BAIAP2L1: variants seen among roughly 807,000 people sequenced by gnomAD.
BAIAP2L1 encodes the protein BAR/IMD domain containing adaptor protein 2 like 1, also known as BAR/IMD domain-containing adapter protein 2-like 1.
Under a neutral mutation model 66.3 loss-of-function variants are expected in BAIAP2L1, and 35 were observed. The ratio of observed to expected loss-of-function variants is 0.53; its 90% CI spans 0.40 to 0.70. BAIAP2L1 has a LOEUF of 0.70. BAIAP2L1 is among the 30% of genes least tolerant of loss of function. The probability of loss-of-function intolerance (pLI) is 0.00; values close to 1 mark genes in which losing one functional copy is unlikely to be tolerated. For synonymous variants in BAIAP2L1, 269 were observed against 248.7 expected (o/e 1.08, Z -0.77); for missense variants, 622 against 656.9 (o/e 0.95, Z 0.58).
intron 3 of BAIAP2L1, among the ~76,000 whole-genome samples, chr7:98,353,613 T>C (rs550935490): frequency 1.2e-4 from 16 of 138,874 alleles, no homozygotes; most frequent in African/African-American, 4.0e-4. Flanking sequence ...TATATGTATA[T>C]TTATAATATA....
intron 1 of BAIAP2L1, among the ~76,000 whole-genome samples, chr7:98,365,095 T>A (rs867868174): frequency 6.6e-6 from 1 of 150,556 alleles, no homozygotes; most frequent in Admixed American, 6.7e-5. Context: ...GACTTTTTTT[T>A]AAAGCTTATT....
At chr7:98,338,526 GCTTT>G (rs1245655519) in intron 3 of BAIAP2L1, among the ~76,000 whole-genome samples, 1 of 151,842 alleles carries the variant, frequency 6.6e-6, no homozygotes, top group Non-Finnish European at 1.5e-5. Flanking sequence ...CTCAAAATCT[GCTTT>G]CTATGTGGAT....
chr7:98,382,176 C>A (rs950757956), intron 1 of BAIAP2L1, among the ~76,000 whole-genome samples: 3 of 152,050 alleles, frequency 2.0e-5, no homozygotes, highest in Non-Finnish European at 4.4e-5. Context: ...CCTGCCTCAG[C>A]CTCCCAAAGT....
Position 98,312,080 on chromosome 7 carries a change from A to C in BAIAP2L1, c.807+17T>G, listed in dbSNP as rs1241853605. ...GAAACACACGATTGAAATCTGGAAG[A>C]GAAAACTGGCTCCTACCACATTGCT... On this transcript the variant is annotated intron_variant, in intron 8 of 13. Transcript: ENST00000005260. 2.5e-6 allele frequency: 4 copies of C among 1,575,854 alleles called. No homozygotes were observed. The South Asian group carries it at 4.7e-5, about 19-fold the overall frequency.
chr7:98,342,935 G>T (rs1447857304), intron 3 of BAIAP2L1, among the ~76,000 whole-genome samples: 1 of 151,806 alleles, frequency 6.6e-6, no homozygotes, highest in African/African-American at 2.4e-5. Flanking sequence ...TAGCTGTGCT[G>T]CCTTGAACTG....
intron 3 of BAIAP2L1, among the ~76,000 whole-genome samples, chr7:98,336,309 T>C (rs767374934): frequency 6.6e-5 from 10 of 151,736 alleles, no homozygotes; most frequent in African/African-American, 9.7e-5. Context: ...AAGTTGAAAG[T>C]AAAATAAATA....
At chr7:98,395,463 G>C (rs1357528474) in intron 1 of BAIAP2L1, among the ~76,000 whole-genome samples, 1 of 151,088 alleles carries the variant, frequency 6.6e-6, no homozygotes, top group African/African-American at 2.4e-5. Flanking sequence ...AGTTAGGAGA[G>C]GGGCTACCCT....
chr7:98,384,962 G>C (rs753547715), intron 1 of BAIAP2L1, among the ~76,000 whole-genome samples: 1 of 152,120 alleles, frequency 6.6e-6, no homozygotes. Flanking sequence ...GCCACCCAAA[G>C]TGCTGGGATT....
At chr7:98,351,708 A>C (rs568728531) in intron 3 of BAIAP2L1, among the ~76,000 whole-genome samples, 1 of 152,286 alleles carries the variant, frequency 6.6e-6, no homozygotes, top group Non-Finnish European at 1.5e-5. Flanking sequence ...GCTGCTCCTC[A>C]TGTGGAATAA....
At chr7:98,354,328 C>T (rs2115690061) in intron 3 of BAIAP2L1, among the ~76,000 whole-genome samples, 1 of 152,282 alleles carries the variant, frequency 6.6e-6, no homozygotes, top group South Asian at 2.1e-4. Context: ...TACTTCTTAA[C>T]TGGACATGGA....
At chr7:98,356,323 C>A (rs1409050262) in intron 2 of BAIAP2L1, among the ~76,000 whole-genome samples, 1 of 151,960 alleles carries the variant, frequency 6.6e-6, no homozygotes, top group African/African-American at 2.4e-5. Flanking sequence ...TGGAGAAAAG[C>A]ATTTATTTGG....
At position 98,376,703 on chromosome 7, in the gene BAIAP2L1, A is replaced by G. The variant is rs188461054; in HGVS notation, c.52-14271T>C. 8.8e-4 allele frequency among the ~76,000 whole-genome samples: 132 copies of G among 150,492 alleles called. 2 individuals are homozygous for G. Among genetic ancestry groups the G allele is most frequent in the Admixed American group, 5.8e-3 (87 of 15,106 alleles). On this transcript the variant is annotated intron_variant, in intron 1 of 13. Coordinates refer to ENST00000005260, the MANE Select transcript of BAIAP2L1 (RefSeq NM_018842.5). Reference sequence around the variant, plus strand: ...CACAAAAAGCTGGGTGTGGTGGCGCATGCCTGTAATCTCAGCTACTCGGGG... The same window carrying G: ...CACAAAAAGCTGGGTGTGGTGGCGCGTGCCTGTAATCTCAGCTACTCGGGG...
intron 3 of BAIAP2L1, among the ~76,000 whole-genome samples, chr7:98,325,324 G>C (rs1315825271): frequency 1.3e-5 from 2 of 151,268 alleles, no homozygotes; most frequent in Non-Finnish European, 2.9e-5. Context: ...GCCGAGATCA[G>C]GCCACTGCAC....
chr7:98,365,898 T>G (rs924891862), intron 1 of BAIAP2L1, among the ~76,000 whole-genome samples: 4 of 152,222 alleles, frequency 2.6e-5, no homozygotes, highest in African/African-American at 9.6e-5. Flanking sequence ...CCTGATTACC[T>G]TTCACTGTTT....
intron 3 of BAIAP2L1, among the ~76,000 whole-genome samples, chr7:98,332,605 C>T (rs1170155580): frequency 6.6e-6 from 1 of 150,482 alleles, no homozygotes; most frequent in East Asian, 2.0e-4. Context: ...GTCAGGAGTT[C>T]GAGACCAGGC....
In BAIAP2L1 at chr7:98,292,958, G is replaced by C. The variant is rs1800032558; in HGVS notation, c.*563C>G. On this transcript the variant is annotated 3_prime_UTR_variant, in exon 14 of 14. Coordinates refer to ENST00000005260, the MANE Select transcript of BAIAP2L1 (RefSeq NM_018842.5). ...ACTCTACAGCTCTGGCGTGGTTGGA[G>C]GGAGGGTGGGGGTTTCTCCATCTCT... 1.6e-6 allele frequency: 2 copies of C among 1,221,424 alleles called. No homozygotes were observed. The highest frequency in any genetic ancestry group is 4.1e-5 in the Admixed American group (1 of 24,454). 75.7% of individuals were successfully genotyped at this position (1,221,424 alleles called of 1,614,324 possible). A position where few individuals can be genotyped will look rare whatever the true frequency, so the allele number is the denominator to read the frequency against.
chr7:98,353,961 C>CAATAAAATAAAATAA (rs72080714), intron 3 of BAIAP2L1, among the ~76,000 whole-genome samples: 1 of 139,252 alleles, frequency 7.2e-6, no homozygotes, highest in African/African-American at 2.7e-5. Flanking sequence ...GACTCTGTCT[C>CAATAAAATAAAATAA]AATAAAATAA....
intron 7 of BAIAP2L1, among the ~76,000 whole-genome samples, chr7:98,314,175 G>T (rs1287189851): frequency 2.0e-5 from 3 of 151,630 alleles, no homozygotes; most frequent in Non-Finnish European, 4.4e-5. Context: ...TAGAGACAGG[G>T]TTTCACCATG....
chr7:98,357,981 G>A (rs1489271419), intron 2 of BAIAP2L1, among the ~76,000 whole-genome samples: 1 of 152,204 alleles, frequency 6.6e-6, no homozygotes, highest in Non-Finnish European at 1.5e-5. Flanking sequence ...AACAAGGTGT[G>A]TAGCCAGGAA....
Sources: gnomAD v4.1 joint callset for allele counts (sites outside exome capture counted in the v4.1 genomes callset) on GRCh38, gnomAD v4.1.1 for gene constraint, MANE v1.5 for transcripts, NCBI Gene and HGNC (gene_info 2026-07-23, HGNC 2026-07-21) for gene names.